ZNF365: variants seen among roughly 807,000 people sequenced by gnomAD.
ZNF365 encodes the protein zinc finger protein 365.
Under a neutral mutation model 35.0 loss-of-function variants are expected in ZNF365, and 22 were observed. That is an observed-to-expected ratio of 0.63 (90% confidence interval 0.45 to 0.90). The LOEUF (loss-of-function observed/expected upper bound fraction) is 0.90, where lower values mean the gene tolerates loss of function less well. ZNF365 is among the 40% of genes least tolerant of loss of function. The probability of loss-of-function intolerance (pLI) is 0.00; values close to 1 mark genes in which losing one functional copy is unlikely to be tolerated. For synonymous variants in ZNF365, 188 were observed against 196.2 expected, an observed-to-expected ratio of 0.96 and a Z score of 0.35; for missense variants, 448 against 500.3, an observed-to-expected ratio of 0.90 and a Z score of 1.00.
chr10:62,376,090 A>G (rs1269423535), intron 1 of ZNF365, 91 bp from the exon 2 acceptor site: 1 of 1,417,772 alleles, frequency 7.1e-7, no homozygotes, highest in Non-Finnish European at 9.6e-7. Flanking sequence ...CTTGAAACCA[A>G]AAAGCCTCTG....
intron 3 of ZNF365, among the ~76,000 whole-genome samples, chr10:62,391,654 A>G (rs541395428): frequency 6.6e-6 from 1 of 152,348 alleles, no homozygotes; most frequent in African/African-American, 2.4e-5. Context: ...ATTAATGGGC[A>G]TGGGCATTTG....
intron 3 of ZNF365, among the ~76,000 whole-genome samples, chr10:62,422,634 C>G (rs1057108256): frequency 6.6e-6 from 1 of 152,052 alleles, no homozygotes; most frequent in East Asian, 1.9e-4. Context: ...GGCTTTAGAG[C>G]GCGGCCATGC....
chr10:62,468,564 A>G (rs1840982009), intron 4 of ZNF365, among the ~76,000 whole-genome samples: 1 of 152,214 alleles, frequency 6.6e-6, no homozygotes, highest in Non-Finnish European at 1.5e-5. Context: ...GCTGGGGTTG[A>G]AGAATGGTGA....
chr10:62,384,949 T>C (rs1839502939), intron 2 of ZNF365, among the ~76,000 whole-genome samples: 1 of 152,222 alleles, frequency 6.6e-6, no homozygotes, highest in African/African-American at 2.4e-5. Flanking sequence ...AAGAGGTGGT[T>C]CTGGATATTC....
intron 4 of ZNF365, chr10:62,479,724 C>T (rs1468315685): frequency 1.5e-5 from 9 of 620,410 alleles, no homozygotes; most frequent in Non-Finnish European, 2.9e-6. Context: ...CTCCTCGTGT[C>T]TATCATAGTT....
intron 3 of ZNF365, among the ~76,000 whole-genome samples, chr10:62,454,248 G>T (rs1400152544): frequency 6.6e-6 from 1 of 152,038 alleles, no homozygotes; most frequent in East Asian, 1.9e-4. Flanking sequence ...ACAAATCATT[G>T]GTTAACAAAA....
intron 4 of ZNF365, among the ~76,000 whole-genome samples, chr10:62,466,887 G>T (rs1840952860): frequency 6.6e-6 from 1 of 151,972 alleles, no homozygotes; most frequent in South Asian, 2.1e-4. Flanking sequence ...CTATAACTTT[G>T]ACCTTCCAGG....
intron 4 of ZNF365, among the ~76,000 whole-genome samples, chr10:62,470,399 T>C (rs542062577): frequency 6.6e-6 from 1 of 152,332 alleles, no homozygotes; most frequent in East Asian, 1.9e-4. Flanking sequence ...CCAGCCTAAT[T>C]CGTGATTTAG....
intron 3 of ZNF365, among the ~76,000 whole-genome samples, chr10:62,409,540 A>T (rs1008282928): frequency 3.3e-5 from 5 of 152,134 alleles, no homozygotes; most frequent in Non-Finnish European, 7.4e-5. Flanking sequence ...AGTGCATTCC[A>T]GTTGGGCTGT....
chr10:62,417,713 A>G (rs980945592), intron 3 of ZNF365, among the ~76,000 whole-genome samples: 3 of 151,934 alleles, frequency 2.0e-5, no homozygotes, highest in African/African-American at 4.8e-5. Context: ...CAATAGAGTG[A>G]CATTCCAGGA....
chr10:62,460,402 A>G (rs1840828464), intron 4 of ZNF365, among the ~76,000 whole-genome samples: 1 of 152,242 alleles, frequency 6.6e-6, no homozygotes, highest in Non-Finnish European at 1.5e-5. Flanking sequence ...GATAAAGTTT[A>G]GTTTATAAAT....
chr10:62,394,403 C>G lies in ZNF365; in HGVS notation c.925-4337C>G, dbSNP rs147842346. On this transcript the variant is annotated intron_variant, in intron 3 of 4. Coordinates refer to ENST00000395254, the MANE Select transcript of ZNF365 (RefSeq NM_014951.3). ...TTCCTCAGTACCAGTAAGTTCTGCACCCCAGTAAATATGTGTTAAATGAAT... is the reference window on the plus strand; with the variant it reads ...TTCCTCAGTACCAGTAAGTTCTGCAGCCCAGTAAATATGTGTTAAATGAAT... Among the ~76,000 whole-genome samples, 548 of 152,300 alleles carry G rather than the reference C, an allele frequency of 3.6e-3. 2 individuals carry two copies. Among genetic ancestry groups the G allele is most frequent in the Non-Finnish European group, 5.3e-3 (359 of 68,032 alleles).
chr10:62,414,253 G>A (rs1840037357), intron 3 of ZNF365, among the ~76,000 whole-genome samples: 2 of 151,752 alleles, frequency 1.3e-5, no homozygotes, highest in Non-Finnish European at 2.9e-5. Flanking sequence ...AGGCTGGAAT[G>A]CAATGGTGCA....
chr10:62,423,585 G>A (rs1402229718), intron 3 of ZNF365, among the ~76,000 whole-genome samples: 1 of 152,052 alleles, frequency 6.6e-6, no homozygotes, highest in Non-Finnish European at 1.5e-5. Flanking sequence ...GCTCATCTTG[G>A]CTATTCTAAA....
At chr10:62,432,845 T>C (rs1406542341) in intron 3 of ZNF365, among the ~76,000 whole-genome samples, 1 of 152,230 alleles carries the variant, frequency 6.6e-6, no homozygotes, top group Non-Finnish European at 1.5e-5. Context: ...AGACCACTTC[T>C]TTATCTCAAA....
intron 4 of ZNF365, among the ~76,000 whole-genome samples, chr10:62,462,688 G>A (rs561936377): frequency 5.3e-5 from 8 of 152,342 alleles, no homozygotes; most frequent in Admixed American, 5.2e-4. Context: ...GTGTGTGGGG[G>A]TGTGAGAGCA....
intron 2 of ZNF365, among the ~76,000 whole-genome samples, chr10:62,383,700 G>A (rs1839478112): frequency 6.6e-6 from 1 of 152,182 alleles, no homozygotes; most frequent in Non-Finnish European, 1.5e-5. Context: ...AGGGTGTATT[G>A]GTCACATGAT....
intron 3 of ZNF365, among the ~76,000 whole-genome samples, chr10:62,419,576 T>C (rs1168474406): frequency 6.6e-6 from 1 of 152,060 alleles, no homozygotes; most frequent in East Asian, 1.9e-4. Context: ...GTAACACTGA[T>C]TAATGATTGG....
At chr10:62,478,113 G>A (rs1841162157) in intron 4 of ZNF365, among the ~76,000 whole-genome samples, 1 of 152,180 alleles carries the variant, frequency 6.6e-6, no homozygotes, top group African/African-American at 2.4e-5. Flanking sequence ...AGTATCTTCA[G>A]GTGATAGGAG....
Sources: allele counts gnomAD v4.1 joint callset (sites outside exome capture counted in the v4.1 genomes callset), GRCh38; gene constraint gnomAD v4.1.1; transcripts MANE v1.5; gene names NCBI Gene and HGNC (gene_info 2026-07-23, HGNC 2026-07-21).